Variants in DCC observed in about 807,000 individuals in gnomAD.
DCC encodes the protein DCC netrin 1 receptor, also known as netrin receptor DCC.
A neutral mutation model predicts 172.5 loss-of-function variants in DCC; 58 were observed. The observed-to-expected ratio is 0.34, with a 90% confidence interval of 0.27 to 0.42. The LOEUF (loss-of-function observed/expected upper bound fraction) is 0.42, where lower values mean the gene tolerates loss of function less well. Ranked by LOEUF, DCC falls within the 10% of genes least tolerant of loss-of-function variation. DCC has a pLI of 1.00. For synonymous variants in DCC, 709 were observed against 644.5 expected (o/e 1.10, Z -1.52); for missense variants, 1,740 against 1,791.0 (o/e 0.97, Z 0.51).
intron 1 of DCC, among the ~76,000 whole-genome samples, chr18:52,647,084 G>A (rs892001933): frequency 6.6e-6 from 1 of 152,136 alleles, no homozygotes; most frequent in African/African-American, 2.4e-5. Context: ...CCAAATACAT[G>A]TTCTTTAACA....
chr18:53,474,375 A>G (rs1046362973), intron 25 of DCC, among the ~76,000 whole-genome samples: 4 of 152,214 alleles, frequency 2.6e-5, no homozygotes, highest in African/African-American at 9.7e-5. Context: ...CAATTTATGT[A>G]AAATTAGAAA....
At chr18:53,456,223 T>C (rs1297104020) in intron 23 of DCC, among the ~76,000 whole-genome samples, 3 of 152,280 alleles carry the variant, frequency 2.0e-5, no homozygotes, top group African/African-American at 7.2e-5. Context: ...ATTTGCAAGT[T>C]AGGATTTTGA....
At chr18:53,428,734 T>G (rs1337781548) in intron 21 of DCC, among the ~76,000 whole-genome samples, 1 of 38,700 alleles carries the variant, frequency 2.6e-5, no homozygotes, top group Non-Finnish European at 6.1e-5. Flanking sequence ...TATATTATAT[T>G]ATATACTATA....
chr18:52,952,323 C>T (rs956840517), intron 5 of DCC, among the ~76,000 whole-genome samples: 112 of 152,250 alleles, frequency 7.4e-4, no homozygotes, highest in African/African-American at 2.6e-3. Flanking sequence ...ATGTAAACAT[C>T]CCCTCTATTA....
intron 1 of DCC, among the ~76,000 whole-genome samples, chr18:52,453,755 T>C (rs1294830026): frequency 1.3e-5 from 2 of 152,180 alleles, no homozygotes; most frequent in African/African-American, 2.4e-5. Flanking sequence ...TCTTGCTCTG[T>C]GGCTGTCATG....
chr18:52,652,268 A>T (rs1298846069), intron 1 of DCC, among the ~76,000 whole-genome samples: 1 of 152,202 alleles, frequency 6.6e-6, no homozygotes, highest in East Asian at 1.9e-4. Flanking sequence ...GCCCATGGGC[A>T]CTTGGAGACT....
intron 1 of DCC, among the ~76,000 whole-genome samples, chr18:52,441,316 G>A (rs916295295): frequency 2.6e-5 from 4 of 152,166 alleles, no homozygotes; most frequent in African/African-American, 7.2e-5. Context: ...GATATTAGAA[G>A]TGAGAAATGT....
chr18:53,362,396 G>T (rs16956626), intron 15 of DCC, among the ~76,000 whole-genome samples: 1 of 152,082 alleles, frequency 6.6e-6, no homozygotes, highest in Non-Finnish European at 1.5e-5. Flanking sequence ...AATGGGAGCC[G>T]GAAGTGCTTT....
chr18:53,292,648 C>T (rs1353142905), intron 12 of DCC, among the ~76,000 whole-genome samples: 1 of 152,198 alleles, frequency 6.6e-6, no homozygotes, highest in Non-Finnish European at 1.5e-5. Flanking sequence ...GAGATCGTGC[C>T]ACTGCACTCC....
At chr18:53,430,434 C>T (rs2145106892) in intron 21 of DCC, among the ~76,000 whole-genome samples, 1 of 152,238 alleles carries the variant, frequency 6.6e-6, no homozygotes, top group African/African-American at 2.4e-5. Context: ...ATTTTCCATT[C>T]TCTCTTCTCT....
intron 8 of DCC, among the ~76,000 whole-genome samples, chr18:53,177,082 A>G (rs2055109848): frequency 6.6e-6 from 1 of 151,928 alleles, no homozygotes; most frequent in Non-Finnish European, 1.5e-5. Flanking sequence ...CGCAAGAACA[A>G]AAAACCAAAC....
chr18:53,314,065 G>A (rs1425306668), intron 13 of DCC, among the ~76,000 whole-genome samples: 2 of 152,094 alleles, frequency 1.3e-5, no homozygotes, highest in East Asian at 3.8e-4. Flanking sequence ...ACCCTCACAA[G>A]AAACACTATA....
In DCC at chr18:52,906,338, T is replaced by G. The variant is rs759110236; in HGVS notation, c.697+10T>G. On this transcript the variant is annotated intron_variant, in intron 3 of 28. Transcript: ENST00000442544. ...GTCAGAATTTTATCAGGTATTGCAA[T>G]GCTCTTTGTTGCCTTCAGAATGATA... 2 of 1,613,396 alleles carry G rather than the reference T, an allele frequency of 1.2e-6. No homozygotes were observed. The highest frequency in any genetic ancestry group is 1.7e-6 in the Non-Finnish European group (2 of 1,179,638).
At chr18:53,174,116 G>A (rs2055053970) in intron 8 of DCC, among the ~76,000 whole-genome samples, 1 of 142,130 alleles carries the variant, frequency 7.0e-6, no homozygotes, top group Non-Finnish European at 1.5e-5. Flanking sequence ...AAATAAAGAT[G>A]TTCTTTGAAA....
chr18:52,980,735 T>C (rs935595183), intron 5 of DCC, among the ~76,000 whole-genome samples: 10 of 152,060 alleles, frequency 6.6e-5, no homozygotes, highest in African/African-American at 2.4e-4. Context: ...AAATGAGTCA[T>C]TCAGTGGTTA....
intron 15 of DCC, among the ~76,000 whole-genome samples, chr18:53,364,544 C>G (rs1353017579): frequency 2.0e-5 from 3 of 151,804 alleles, no homozygotes; most frequent in African/African-American, 4.8e-5. Context: ...AAATGACTCA[C>G]AGAATTCAAA....
intron 27 of DCC, among the ~76,000 whole-genome samples, chr18:53,503,029 G>A (rs1229793064): frequency 6.6e-6 from 1 of 151,812 alleles, no homozygotes; most frequent in Non-Finnish European, 1.5e-5. Context: ...CCACCGACAG[G>A]CCCCAGTGTG....
intron 5 of DCC, among the ~76,000 whole-genome samples, chr18:52,934,084 TA>T (rs2040347823): frequency 6.6e-6 from 1 of 151,988 alleles, no homozygotes; most frequent in South Asian, 2.1e-4. Context: ...TCACAAATAT[TA>T]AAATATTCTA....
intron 5 of DCC, among the ~76,000 whole-genome samples, chr18:52,937,570 C>T (rs773993794): frequency 5.3e-4 from 80 of 152,166 alleles, no homozygotes; most frequent in African/African-American, 1.7e-3. Context: ...GGTGCAGTGG[C>T]GTGATCTCTG....
Sources: gnomAD v4.1 joint callset for allele counts (sites outside exome capture counted in the v4.1 genomes callset) on GRCh38, gnomAD v4.1.1 for gene constraint, MANE v1.5 for transcripts, NCBI Gene and HGNC (gene_info 2026-07-23, HGNC 2026-07-21) for gene names.